PHACTR3: variants seen among roughly 807,000 people sequenced by gnomAD.
The protein encoded by PHACTR3 is phosphatase and actin regulator 3, also known as protein phosphatase 1, regulatory subunit 123.
Under a neutral mutation model 66.8 loss-of-function variants are expected in PHACTR3, and 16 were observed. That is an observed-to-expected ratio of 0.24 (90% CI 0.16 to 0.36). The LOEUF is 0.36. Ranked by LOEUF, PHACTR3 falls within the 10% of genes least tolerant of loss-of-function variation. PHACTR3 has a pLI of 1.00. For missense variants in PHACTR3, 647 were observed against 719.9 expected, an observed-to-expected ratio of 0.90 and a Z score of 1.16; for synonymous variants, 323 against 292.1, an observed-to-expected ratio of 1.11 and a Z score of -1.08.
At chr20:59,665,872 G>A (rs1259468618) in intron 1 of PHACTR3, among the ~76,000 whole-genome samples, 2 of 152,164 alleles carry the variant, frequency 1.3e-5, no homozygotes, top group African/African-American at 4.8e-5. Context: ...AGTGGGGTTG[G>A]CGTTGAGGAC....
At chr20:59,628,901 G>A in intron 1 of PHACTR3, 1 of 767,782 alleles carries the variant, frequency 1.3e-6, no homozygotes, top group Non-Finnish European at 1.6e-6. Flanking sequence ...TCACGTGGGG[G>A]TTGCAGAGCT....
chr20:59,716,116 C>T (rs926334581), intron 1 of PHACTR3, among the ~76,000 whole-genome samples: 2 of 152,046 alleles, frequency 1.3e-5, no homozygotes, highest in African/African-American at 4.8e-5. Context: ...TCCAGGGCTC[C>T]ACCCCATGTT....
chr20:59,719,644 G>T (rs1469818768), intron 1 of PHACTR3, among the ~76,000 whole-genome samples: 1 of 152,180 alleles, frequency 6.6e-6, no homozygotes, highest in Non-Finnish European at 1.5e-5. Context: ...TTACTTGAAA[G>T]ATTGGACTTG....
chr20:59,646,900 C>T (rs117811188), intron 1 of PHACTR3, among the ~76,000 whole-genome samples: 14 of 152,126 alleles, frequency 9.2e-5, no homozygotes, highest in Non-Finnish European at 1.5e-4. Flanking sequence ...CAAAGATGCC[C>T]GTGTTGTGGG....
At chr20:59,705,852 G>A (rs547504761) in intron 1 of PHACTR3, among the ~76,000 whole-genome samples, 1 of 152,288 alleles carries the variant, frequency 6.6e-6, no homozygotes, top group Admixed American at 6.5e-5. Context: ...AGGAATTGGT[G>A]GTGGCCCCCT....
intron 7 of PHACTR3, among the ~76,000 whole-genome samples, chr20:59,799,656 A>G (rs1568833820): frequency 6.6e-6 from 1 of 152,008 alleles, no homozygotes; most frequent in Non-Finnish European, 1.5e-5. Flanking sequence ...TTTTTAATCT[A>G]TTTGTAACTT....
In PHACTR3 at chr20:59,808,588, C is replaced by T. The variant is rs143924568; in HGVS notation, c.1328+2394C>T. ...CCTTCCCTGGAGGGAGAGACAGTGC[C>T]CCAGGGGTGAGGGGAACCAGCTCCC... On this transcript the variant is annotated intron_variant, in intron 8 of 12. Transcript: ENST00000371015. Among the ~76,000 whole-genome samples, 35 of 152,308 alleles carry T rather than the reference C, an allele frequency of 2.3e-4. No individual in the cohort carries two copies. The East Asian group carries it at 6.0e-3, about 26-fold the overall frequency.
chr20:59,720,076 A>G (rs1021050577), intron 1 of PHACTR3, among the ~76,000 whole-genome samples: 1 of 152,188 alleles, frequency 6.6e-6, no homozygotes, highest in Non-Finnish European at 1.5e-5. Context: ...AGCACAGGGA[A>G]CAGGCATCTG....
At chr20:59,788,631 G>T (rs1182513) in intron 7 of PHACTR3, among the ~76,000 whole-genome samples, 12 of 152,236 alleles carry the variant, frequency 7.9e-5, no homozygotes, top group Admixed American at 2.0e-4. Flanking sequence ...TATGTGGATC[G>T]TCACAAATCT....
At chr20:59,793,410 G>T (rs1164982062) in intron 7 of PHACTR3, among the ~76,000 whole-genome samples, 2 of 152,124 alleles carry the variant, frequency 1.3e-5, no homozygotes, top group Non-Finnish European at 2.9e-5. Flanking sequence ...ATTCTTCCCA[G>T]CCATGGACAA....
intron 8 of PHACTR3, among the ~76,000 whole-genome samples, chr20:59,828,696 C>A (rs1225693869): frequency 2.0e-5 from 3 of 151,530 alleles, no homozygotes; most frequent in African/African-American, 7.3e-5. Context: ...CATCACCCGG[C>A]ATGGAGTTTT....
intron 1 of PHACTR3, among the ~76,000 whole-genome samples, chr20:59,629,135 C>T (rs992495490): frequency 6.6e-6 from 1 of 152,232 alleles, no homozygotes; most frequent in African/African-American, 2.4e-5. Flanking sequence ...AATAATGAGG[C>T]GCCAGGCCCC....
chr20:59,743,046 C>A (rs1388465631), intron 1 of PHACTR3, 61 bp from the exon 2 acceptor site: 58 of 1,556,926 alleles, frequency 3.7e-5, no homozygotes, highest in Non-Finnish European at 4.8e-5. Context: ...TCACCTTGGG[C>A]CCCCAGGAGT....
chr20:59,614,661 T>A (rs928667889), intron 1 of PHACTR3, among the ~76,000 whole-genome samples: 6 of 152,208 alleles, frequency 3.9e-5, no homozygotes, highest in Admixed American at 6.5e-5. Context: ...TTTTAAAAAG[T>A]CACCATTGGT....
intron 8 of PHACTR3, among the ~76,000 whole-genome samples, chr20:59,814,726 A>G (rs1043739898): frequency 6.6e-6 from 1 of 152,130 alleles, no homozygotes; most frequent in Non-Finnish European, 1.5e-5. Flanking sequence ...GAACCACAAC[A>G]GGCTTCTGTG....
intron 1 of PHACTR3, among the ~76,000 whole-genome samples, chr20:59,659,640 G>A (rs2035745339): frequency 6.6e-6 from 1 of 152,062 alleles, no homozygotes; most frequent in African/African-American, 2.4e-5. Context: ...CAAAGTGCTG[G>A]GATTACAGGT....
intron 1 of PHACTR3, among the ~76,000 whole-genome samples, chr20:59,620,577 A>T (rs1354455193): frequency 6.6e-6 from 1 of 152,194 alleles, no homozygotes; most frequent in East Asian, 1.9e-4. Flanking sequence ...TAAATCGAGT[A>T]TATGCGTTTT....
intron 1 of PHACTR3, among the ~76,000 whole-genome samples, chr20:59,735,589 G>C (rs1240578222): frequency 6.6e-6 from 1 of 152,070 alleles, no homozygotes; most frequent in Non-Finnish European, 1.5e-5. Flanking sequence ...GTCACTAAAG[G>C]GTGGACATCA....
chr20:59,579,017 G>T (rs1353232356), intron 1 of PHACTR3, among the ~76,000 whole-genome samples: 1 of 152,200 alleles, frequency 6.6e-6, no homozygotes, highest in Non-Finnish European at 1.5e-5. Flanking sequence ...CCCTCCCCCA[G>T]TGCCTGCACA....
Sources: gnomAD v4.1 joint callset for allele counts (sites outside exome capture counted in the v4.1 genomes callset) on GRCh38, gnomAD v4.1.1 for gene constraint, MANE v1.5 for transcripts, NCBI Gene and HGNC (gene_info 2026-07-23, HGNC 2026-07-21) for gene names.